XPR1: variants seen among roughly 807,000 people sequenced by gnomAD.
XPR1 encodes the protein solute carrier family 53 member 1.
In XPR1, 28 loss-of-function variants were observed where a neutral mutation model predicts 87.5. The ratio of observed to expected loss-of-function variants is 0.32; its 90% CI spans 0.24 to 0.44. The LOEUF (loss-of-function observed/expected upper bound fraction) is 0.44. Ranked by LOEUF, XPR1 falls within the 20% of genes least tolerant of loss-of-function variation. The probability of loss-of-function intolerance (pLI) is 1.00; values close to 1 mark genes in which losing one functional copy is unlikely to be tolerated. For missense variants in XPR1, 559 were observed against 862.3 expected, an observed-to-expected ratio of 0.65 and a Z score of 4.41; for synonymous variants, 300 against 306.1, an observed-to-expected ratio of 0.98 and a Z score of 0.21.
At chr1:180,878,643 G>A (rs752413850) in intron 13 of XPR1, among the ~76,000 whole-genome samples, 6 of 152,172 alleles carry the variant, frequency 3.9e-5, no homozygotes, top group Non-Finnish European at 7.3e-5. Flanking sequence ...GCAAGTGGTA[G>A]AGCCATGATT....
Position 180,669,293 on chromosome 1 carries a change from G to A in XPR1, c.70-13067G>A, listed in dbSNP as rs964066504. ...TCTCCAGCTATTATTGTATAAGTAT[G>A]TATTTTTTTCTCTTCAATTCTGTTA... On this transcript the variant is annotated intron_variant, in intron 1 of 14. Transcript: ENST00000367590. 5.3e-5 allele frequency among the ~76,000 whole-genome samples: 8 copies of A among 152,038 alleles called. No homozygotes were observed. In the South Asian group the frequency reaches 6.2e-4, roughly 12 times the overall value.
chr1:180,865,084 C>A lies in XPR1; in HGVS notation c.1668+1210C>A, dbSNP rs977991418. On this transcript the variant is annotated intron_variant, in intron 12 of 14. Transcript: ENST00000367590. ...TATTCAATTGGTAAGTAGGGAAGGCCATTTTCAGGTGTGAGGAATGGTGAA... is the reference window on the plus strand; with the variant it reads ...TATTCAATTGGTAAGTAGGGAAGGCAATTTTCAGGTGTGAGGAATGGTGAA... Among the ~76,000 whole-genome samples, 4 of 152,046 alleles carry A rather than the reference C, an allele frequency of 2.6e-5. No homozygotes were observed. The South Asian group carries it at 6.2e-4, about 24-fold the overall frequency.
intron 2 of XPR1, among the ~76,000 whole-genome samples, chr1:180,761,145 C>A (rs1648008640): frequency 6.6e-6 from 1 of 152,158 alleles, no homozygotes; most frequent in Non-Finnish European, 1.5e-5. Context: ...AAATGTTAGA[C>A]CTAAAACCAT....
At chr1:180,730,776 C>T (rs529049258) in intron 2 of XPR1, among the ~76,000 whole-genome samples, 6 of 152,270 alleles carry the variant, frequency 3.9e-5, no homozygotes, top group Admixed American at 2.6e-4. Context: ...GATCCTCCCC[C>T]CTCAGCCTCC....
chr1:180,667,712 C>T (rs1482480523), intron 1 of XPR1, among the ~76,000 whole-genome samples: 1 of 152,092 alleles, frequency 6.6e-6, no homozygotes, highest in East Asian at 1.9e-4. Context: ...CACCAAAGAG[C>T]CATGAGGTCC....
intron 3 of XPR1, among the ~76,000 whole-genome samples, chr1:180,796,401 A>G (rs1250190394): frequency 1.3e-5 from 2 of 152,160 alleles, no homozygotes; most frequent in Admixed American, 6.5e-5. Flanking sequence ...CATATGGTTT[A>G]TATTCCCCTA....
chr1:180,819,004 C>G (rs1259331344), intron 7 of XPR1, among the ~76,000 whole-genome samples: 1 of 152,132 alleles, frequency 6.6e-6, no homozygotes, highest in Non-Finnish European at 1.5e-5. Context: ...GGCTGGAGTA[C>G]AGTGGCCCCA....
chr1:180,718,738 G>C (rs912448337), intron 2 of XPR1, among the ~76,000 whole-genome samples: 1 of 147,476 alleles, frequency 6.8e-6, no homozygotes, highest in African/African-American at 2.5e-5. Flanking sequence ...GCGCAATCTC[G>C]GCTCACCGCA....
intron 2 of XPR1, among the ~76,000 whole-genome samples, chr1:180,762,410 A>G (rs1310366599): frequency 6.6e-6 from 1 of 152,234 alleles, no homozygotes; most frequent in East Asian, 1.9e-4. Context: ...TTAAAAATAG[A>G]AAAACTGCAT....
chr1:180,765,386 C>T (rs1311778163), intron 2 of XPR1, among the ~76,000 whole-genome samples: 3 of 152,194 alleles, frequency 2.0e-5, no homozygotes, highest in African/African-American at 7.2e-5. Context: ...GTATTCTGTT[C>T]TAAGTCAGTT....
chr1:180,709,095 A>G (rs931683158), intron 2 of XPR1, among the ~76,000 whole-genome samples: 2 of 152,060 alleles, frequency 1.3e-5, no homozygotes, highest in Admixed American at 1.3e-4. Context: ...TATTTTTACT[A>G]GAGATGGGGT....
At position 180,889,498 on chromosome 1, in the gene XPR1, C is replaced by T. The variant is rs1653118031; in HGVS notation, c.*5432C>T. 6.6e-6 allele frequency: 1 copy of T among 152,230 alleles called. No individual in the cohort carries two copies. The highest frequency in any genetic ancestry group is 1.5e-5 in the Non-Finnish European group (1 of 68,052). 9.4% of individuals were successfully genotyped at this position (152,230 alleles called of 1,614,324 possible). The stretch of plus-strand genomic sequence containing the variant: ...ATCCCTTGATCATTATCTCTGAAGT[C>T]CCTACCTGCACTTCCCTGATTGCCC... On this transcript the variant is annotated 3_prime_UTR_variant, in exon 15 of 15. Coordinates refer to ENST00000367590, the MANE Select transcript of XPR1 (RefSeq NM_004736.4).
intron 2 of XPR1, among the ~76,000 whole-genome samples, chr1:180,703,362 G>T (rs980903429): frequency 6.6e-6 from 1 of 152,184 alleles, no homozygotes; most frequent in African/African-American, 2.4e-5. Context: ...TATGTCAGCA[G>T]TGGGCAGAGC....
intron 2 of XPR1, among the ~76,000 whole-genome samples, chr1:180,785,011 TTGTGTGTGTGTGTGTGTG>T (rs1186269708): frequency 1.5e-5 from 2 of 136,392 alleles, no homozygotes; most frequent in South Asian, 4.9e-4. Context: ...GTGTGTGTGT[TTGTGTGTGTGTGTGTGTG>T]TGTGTGTGTG....
At chr1:180,819,305 T>A (rs1650526398) in intron 7 of XPR1, among the ~76,000 whole-genome samples, 1 of 152,322 alleles carries the variant, frequency 6.6e-6, no homozygotes, top group Middle Eastern at 3.4e-3. Context: ...AATATAGTAT[T>A]TTCATTCAGA....
chr1:180,795,969 G>C (rs2102105081), intron 3 of XPR1, among the ~76,000 whole-genome samples: 1 of 152,164 alleles, frequency 6.6e-6, no homozygotes, highest in South Asian at 2.1e-4. Flanking sequence ...AGCACACCTG[G>C]CTAATTTTTT....
chr1:180,751,298 A>G (rs1055912224), intron 2 of XPR1, among the ~76,000 whole-genome samples: 1 of 151,996 alleles, frequency 6.6e-6, no homozygotes, highest in East Asian at 1.9e-4. Flanking sequence ...TCTTTTGTCT[A>G]ATCATTAACA....
intron 1 of XPR1, among the ~76,000 whole-genome samples, chr1:180,666,044 AC>A (rs1442911004): frequency 6.6e-6 from 1 of 152,106 alleles, no homozygotes. Context: ...TTTTCCCAGT[AC>A]TATTTGTTGA....
intron 2 of XPR1, among the ~76,000 whole-genome samples, chr1:180,779,144 AAAG>A: frequency 6.6e-6 from 1 of 152,322 alleles, no homozygotes. Flanking sequence ...CATCTCTTAA[AAAG>A]AGATCTTTTC....
Sources: gnomAD v4.1 joint callset for allele counts (sites outside exome capture counted in the v4.1 genomes callset) on GRCh38, gnomAD v4.1.1 for gene constraint, MANE v1.5 for transcripts, NCBI Gene and HGNC (gene_info 2026-07-23, HGNC 2026-07-21) for gene names.